Variants in SQOR observed in about 807,000 individuals in gnomAD.
SQOR encodes sulfide:quinone oxidoreductase, mitochondrial.
SQOR carries 39 observed loss-of-function variants against 48.6 expected under a neutral mutation model. The observed-to-expected ratio is 0.80, with a 90% CI of 0.62 to 1.05. The LOEUF (loss-of-function observed/expected upper bound fraction) is 1.05, where lower values mean the gene tolerates loss of function less well. Among genes scored for constraint, SQOR ranks in the 50% least tolerant of loss-of-function variants. SQOR has a pLI of 0.00. For synonymous variants in SQOR, 220 were observed against 206.2 expected (o/e 1.07, Z -0.57); for missense variants, 561 against 559.9 (o/e 1.00, Z -0.02).
At chr15:45,656,004 G>GTTTAA (rs1889603492) in intron 1 of SQOR, among the ~76,000 whole-genome samples, 1 of 145,844 alleles carries the variant, frequency 6.9e-6, no homozygotes, top group South Asian at 2.2e-4. Flanking sequence ...TTTTTTCCCC[G>GTTTAA]TTTAACATTA....
At position 45,655,976 on chromosome 15, in the gene SQOR, T is replaced by C. The variant is rs139048857; in HGVS notation, c.-17-2931T>C. Reference sequence around the variant, plus strand: ...CTAGGATTACAGGCGTGAGCCACCGTGCCTGGCCTATTTTTTTTTTTTTCC... The same window carrying C: ...CTAGGATTACAGGCGTGAGCCACCGCGCCTGGCCTATTTTTTTTTTTTTCC... On this transcript the variant is annotated intron_variant, in intron 1 of 9. Transcript: ENST00000260324. Among the ~76,000 whole-genome samples, 773 of 151,334 alleles carry C rather than the reference T, an allele frequency of 5.1e-3. 10 individuals carry two copies. Among genetic ancestry groups the C allele is most frequent in the African/African-American group, 0.017 (720 of 41,266 alleles).
At chr15:45,663,972 T>G (rs1397140799) in intron 3 of SQOR, among the ~76,000 whole-genome samples, 1 of 152,138 alleles carries the variant, frequency 6.6e-6, no homozygotes, top group Non-Finnish European at 1.5e-5. Flanking sequence ...TATATTCTAG[T>G]CAGGGAGAAC....
At chr15:45,644,985 G>A (rs986244244) in intron 1 of SQOR, among the ~76,000 whole-genome samples, 6 of 152,182 alleles carry the variant, frequency 3.9e-5, no homozygotes, top group African/African-American at 1.4e-4. Context: ...CTAGTCCTGG[G>A]AGGGGCAGTC....
chr15:45,633,571 G>T (rs1276373869), upstream of SQOR, among the ~76,000 whole-genome samples: 3 of 151,914 alleles, frequency 2.0e-5, no homozygotes, highest in Non-Finnish European at 4.4e-5. Flanking sequence ...GTGGATGCCT[G>T]TAGTCCCAGC....
intron 7 of SQOR, among the ~76,000 whole-genome samples, chr15:45,686,555 A>G (rs1023654868): frequency 1.3e-5 from 2 of 152,222 alleles, no homozygotes; most frequent in African/African-American, 4.8e-5. Context: ...TCAGCAAACT[A>G]TAGCTTATGG....
intron 2 of SQOR, among the ~76,000 whole-genome samples, chr15:45,660,218 G>A (rs1204301287): frequency 6.6e-6 from 1 of 152,196 alleles, no homozygotes; most frequent in Non-Finnish European, 1.5e-5. Flanking sequence ...TGGATCAGGT[G>A]CCTGTTTCAG....
intron 5 of SQOR, among the ~76,000 whole-genome samples, chr15:45,674,572 G>A (rs1890002960): frequency 6.6e-6 from 1 of 152,000 alleles, no homozygotes; most frequent in African/African-American, 2.4e-5. Flanking sequence ...CAAGTTTAAG[G>A]TCATGAATAT....
chr15:45,634,924 G>A (rs1894969855), upstream of SQOR: 1 of 152,480 alleles, frequency 6.6e-6, no homozygotes, highest in African/African-American at 2.4e-5. Flanking sequence ...TGCCTGGGCT[G>A]CGGCGCCGGG....
intron 3 of SQOR, among the ~76,000 whole-genome samples, chr15:45,667,987 C>T (rs1889869777): frequency 6.8e-6 from 1 of 147,334 alleles, no homozygotes; most frequent in African/African-American, 2.5e-5. Flanking sequence ...CACTGTCACC[C>T]ATGCTGGAGT....
upstream of SQOR, among the ~76,000 whole-genome samples, chr15:45,632,843 C>T (rs1894921564): frequency 6.6e-6 from 1 of 152,048 alleles, no homozygotes; most frequent in Non-Finnish European, 1.5e-5. Flanking sequence ...GTGGCCCACT[C>T]CTCTAATCCC....
intron 8 of SQOR, 111 bp downstream of exon 8, chr15:45,688,515 C>CTTT (rs377607911): frequency 5.8e-5 from 36 of 622,648 alleles, no homozygotes; most frequent in African/African-American, 3.3e-4. Context: ...TTCTGTTTTT[C>CTTT]TTTTTTTTTT....
At chr15:45,673,922 G>A (rs558314828) in intron 5 of SQOR, 121 bp downstream of exon 5, 23 of 930,182 alleles carry the variant, frequency 2.5e-5, no homozygotes, top group Non-Finnish European at 3.1e-5. Context: ...TATTACATGT[G>A]TACAAAATTA....
intron 5 of SQOR, among the ~76,000 whole-genome samples, 170 bp from the exon 6 acceptor site, chr15:45,675,931 A>C (rs1204005368): frequency 1.3e-5 from 2 of 152,144 alleles, no homozygotes; most frequent in Non-Finnish European, 2.9e-5. Flanking sequence ...TGTCATGGGC[A>C]GAACATAAGG....
At chr15:45,651,626 A>G (rs186727426) in intron 1 of SQOR, among the ~76,000 whole-genome samples, 114 of 152,202 alleles carry the variant, frequency 7.5e-4, no homozygotes, top group Non-Finnish European at 1.3e-3. Flanking sequence ...TGCCCGTCTA[A>G]TTTCTTTTTT....
intron 3 of SQOR, 79 bp from the exon 4 acceptor site, chr15:45,669,849 C>G: frequency 8.1e-7 from 1 of 1,229,570 alleles, no homozygotes. Flanking sequence ...CCACATGGAA[C>G]CACATCTGGG....
intron 1 of SQOR, among the ~76,000 whole-genome samples, chr15:45,653,988 G>C (rs911268849): frequency 6.6e-6 from 1 of 151,984 alleles, no homozygotes; most frequent in Non-Finnish European, 1.5e-5. Flanking sequence ...CAGGCATGGT[G>C]GTTTGTGCCT....
chr15:45,689,417 C>CTTTTT, intron 9 of SQOR, 200 bp downstream of exon 9: 4 of 254,844 alleles, frequency 1.6e-5, no homozygotes, highest in South Asian at 5.9e-5. Flanking sequence ...TGCTACCTTA[C>CTTTTT]TTTTTTTTTT....
intron 3 of SQOR, among the ~76,000 whole-genome samples, chr15:45,669,144 T>C (rs1014725951): frequency 3.4e-5 from 5 of 148,282 alleles, no homozygotes; most frequent in South Asian, 2.1e-4. Context: ...TACTAATATA[T>C]ATTTTTTATA....
chr15:45,688,957 C>A, intron 8 of SQOR, 82 bp from the exon 9 acceptor site: 1 of 1,143,896 alleles, frequency 8.7e-7, no homozygotes, highest in Non-Finnish European at 1.2e-6. Flanking sequence ...TAAGCACTCA[C>A]AGCAAATAAT....
Sources: allele counts gnomAD v4.1 joint callset (sites outside exome capture counted in the v4.1 genomes callset), GRCh38; gene constraint gnomAD v4.1.1; transcripts MANE v1.5; gene names NCBI Gene and HGNC (gene_info 2026-07-23, HGNC 2026-07-21).